EIF3J: variants seen among roughly 807,000 people sequenced by gnomAD.
EIF3J encodes eukaryotic translation initiation factor 3 subunit J.
A neutral mutation model predicts 39.0 loss-of-function variants in EIF3J; 15 were observed. That is an observed-to-expected ratio of 0.38 (90% CI 0.26 to 0.59). EIF3J has a LOEUF of 0.59. EIF3J is among the 20% of genes least tolerant of loss of function. The pLI is 0.60. For synonymous variants in EIF3J, 98 were observed against 112.9 expected (o/e 0.87, Z 0.84); for missense variants, 226 against 308.6 (o/e 0.73, Z 2.00).
Position 44,550,745 on chromosome 15 carries a change from A to G in EIF3J, c.148-131A>G, listed in dbSNP as rs2082092050. On this transcript the variant is annotated intron_variant, in intron 2 of 7. Coordinates refer to ENST00000261868, the MANE Select transcript of EIF3J (RefSeq NM_003758.4). ...ATTATAAGATGTCAATTCCCCCTAC[A>G]TTAATTTATAAATTTAATGCAGTAC... The G allele has an allele frequency of 2.0e-5, 13 of 636,108 alleles. No homozygotes were observed. In the East Asian group the frequency reaches 2.7e-4, roughly 13 times the overall value. 39.4% of individuals were successfully genotyped at this position (636,108 alleles called of 1,614,324 possible).
chr15:44,562,691 T>C lies in EIF3J; in HGVS notation c.*1542T>C, dbSNP rs949438142. The C allele has an allele frequency of 1.2e-5, 2 of 165,330 alleles. No homozygotes were observed. The highest frequency in any genetic ancestry group is 2.6e-5 in the Non-Finnish European group (2 of 75,550). The allele number at this position is 165,330 out of a possible 1,614,324, so 10.2% of individuals were successfully genotyped here. On this transcript the variant is annotated 3_prime_UTR_variant, in exon 8 of 8. Transcript: ENST00000261868. Reference sequence around the variant, plus strand: ...GATTTCCTTAGCAGTAATAATGACATACACTGAATTGAAAATCTATTTTAT... The same window carrying C: ...GATTTCCTTAGCAGTAATAATGACACACACTGAATTGAAAATCTATTTTAT...
intron 2 of EIF3J, among the ~76,000 whole-genome samples, chr15:44,544,904 T>C (rs2082041663): frequency 6.6e-6 from 1 of 151,424 alleles, no homozygotes; most frequent in African/African-American, 2.4e-5. Context: ...CTCAGGAGGC[T>C]GAGGCAGGAA....
chr15:44,549,784 A>C (rs1471691093), intron 2 of EIF3J, among the ~76,000 whole-genome samples: 2 of 150,260 alleles, frequency 1.3e-5, no homozygotes, highest in East Asian at 1.9e-4. Flanking sequence ...AAAAAAAAAA[A>C]AAAAAACCAT....
Sources: allele counts gnomAD v4.1 joint callset (sites outside exome capture counted in the v4.1 genomes callset), GRCh38; gene constraint gnomAD v4.1.1; transcripts MANE v1.5; gene names NCBI Gene and HGNC (gene_info 2026-07-23, HGNC 2026-07-21).